The following KCNMB2 variants were observed in gnomAD, a reference collection of about 807,000 sequenced individuals.
KCNMB2 encodes the protein calcium-activated potassium channel subunit beta-2.
Under a neutral mutation model 24.5 loss-of-function variants are expected in KCNMB2, and 9 were observed. The observed-to-expected ratio is 0.37, with a 90% CI of 0.22 to 0.64. KCNMB2 has a LOEUF of 0.64. KCNMB2 is among the 30% of genes least tolerant of loss of function. KCNMB2 has a pLI of 0.63. For missense variants in KCNMB2, 226 were observed against 284.3 expected (o/e 0.79, Z 1.47); for synonymous variants, 109 against 104.4 (o/e 1.04, Z -0.27).
chr3:178,683,281 A>G (rs1721338608), intron 1 of KCNMB2, among the ~76,000 whole-genome samples: 3 of 151,822 alleles, frequency 2.0e-5, no homozygotes, highest in African/African-American at 7.3e-5. Flanking sequence ...TAGATACTTG[A>G]GGACATAAAA....
At chr3:178,657,176 T>C (rs137905281) in intron 1 of KCNMB2, among the ~76,000 whole-genome samples, 3 of 152,298 alleles carry the variant, frequency 2.0e-5, no homozygotes, top group African/African-American at 4.8e-5. Context: ...CCAGAACCCA[T>C]ATGTTTTCCC....
chr3:178,709,462 G>A (rs1008790220), intron 1 of KCNMB2, among the ~76,000 whole-genome samples: 5 of 152,150 alleles, frequency 3.3e-5, no homozygotes, highest in Admixed American at 6.6e-5. Context: ...CTGGTTTTCT[G>A]AGATTGTCAC....
chr3:178,614,832 G>A (rs1299046073), intron 1 of KCNMB2, among the ~76,000 whole-genome samples: 1 of 152,160 alleles, frequency 6.6e-6, no homozygotes, highest in Non-Finnish European at 1.5e-5. Context: ...GATGATAGTA[G>A]ATGTTTTTTG....
At chr3:178,601,529 A>T (rs1718084597) in intron 1 of KCNMB2, among the ~76,000 whole-genome samples, 1 of 152,150 alleles carries the variant, frequency 6.6e-6, no homozygotes, top group African/African-American at 2.4e-5. Context: ...ATCCCTGTCC[A>T]CAGCTGACTC....
At chr3:178,795,491 A>G (rs1713504572) in intron 1 of KCNMB2, among the ~76,000 whole-genome samples, 1 of 152,168 alleles carries the variant, frequency 6.6e-6, no homozygotes, top group African/African-American at 2.4e-5. Context: ...CTTGCAGTTT[A>G]AGAGCTTTTC....
At chr3:178,759,632 A>G (rs1258016769) in intron 1 of KCNMB2, among the ~76,000 whole-genome samples, 2 of 116,518 alleles carry the variant, frequency 1.7e-5, no homozygotes, top group African/African-American at 3.6e-5. Flanking sequence ...TCTCTCTCCA[A>G]GAGGATATAT....
At chr3:178,585,496 C>T (rs770350290) in intron 1 of KCNMB2, among the ~76,000 whole-genome samples, 35 of 152,178 alleles carry the variant, frequency 2.3e-4, no homozygotes, top group Middle Eastern at 6.8e-3. Flanking sequence ...GCTACTAGAC[C>T]CCCAAATTCT....
intron 1 of KCNMB2, among the ~76,000 whole-genome samples, chr3:178,747,608 T>A (rs1251639818): frequency 6.6e-6 from 1 of 152,214 alleles, no homozygotes; most frequent in Non-Finnish European, 1.5e-5. Context: ...ACACAGCTAA[T>A]AAGAATCTAC....
At chr3:178,692,033 T>A (rs371318591) in intron 1 of KCNMB2, among the ~76,000 whole-genome samples, 1 of 152,240 alleles carries the variant, frequency 6.6e-6, no homozygotes, top group African/African-American at 2.4e-5. Flanking sequence ...ATATTCTCAT[T>A]GGCCACATGT....
intron 1 of KCNMB2, among the ~76,000 whole-genome samples, chr3:178,606,545 T>C (rs901969490): frequency 6.6e-6 from 1 of 152,004 alleles, no homozygotes; most frequent in African/African-American, 2.4e-5. Flanking sequence ...GTACATAATT[T>C]GTTTGGTTTC....
At chr3:178,801,468 T>A (rs1713774636) in intron 1 of KCNMB2, among the ~76,000 whole-genome samples, 1 of 151,706 alleles carries the variant, frequency 6.6e-6, no homozygotes, top group South Asian at 2.1e-4. Flanking sequence ...AGCAGGGCTA[T>A]TCATTCAATC....
chr3:178,574,027 G>A (rs1040458197), intron 1 of KCNMB2, among the ~76,000 whole-genome samples: 4 of 152,156 alleles, frequency 2.6e-5, no homozygotes, highest in African/African-American at 9.7e-5. Context: ...AAAGCACTCT[G>A]TAAATTATAA....
At chr3:178,609,470 C>A (rs899259177) in intron 1 of KCNMB2, among the ~76,000 whole-genome samples, 1 of 151,752 alleles carries the variant, frequency 6.6e-6, no homozygotes, top group Non-Finnish European at 1.5e-5. Context: ...TGTGCAGAAG[C>A]TTTTTAATTT....
intron 1 of KCNMB2, among the ~76,000 whole-genome samples, chr3:178,612,698 A>C (rs1415360006): frequency 1.3e-5 from 2 of 152,010 alleles, no homozygotes; most frequent in Non-Finnish European, 2.9e-5. Flanking sequence ...CAGCCAGTCT[A>C]TGTCTTTTGA....
intron 1 of KCNMB2, among the ~76,000 whole-genome samples, chr3:178,669,166 C>T (rs1021330401): frequency 1.3e-5 from 2 of 152,092 alleles, no homozygotes; most frequent in African/African-American, 4.8e-5. Flanking sequence ...CACATGGGCT[C>T]ATAGGAAACA....
At chr3:178,703,712 T>C (rs1722183367) in intron 1 of KCNMB2, among the ~76,000 whole-genome samples, 1 of 152,222 alleles carries the variant, frequency 6.6e-6, no homozygotes, top group South Asian at 2.1e-4. Flanking sequence ...ATGAACATTC[T>C]CCACAGGCCT....
At chr3:178,646,303 T>A (rs999002739) in intron 1 of KCNMB2, among the ~76,000 whole-genome samples, 1 of 152,164 alleles carries the variant, frequency 6.6e-6, no homozygotes, top group African/African-American at 2.4e-5. Flanking sequence ...AACAGGCAAA[T>A]ATCTGACAAT....
chr3:178,597,909 T>C (rs1269946158), intron 1 of KCNMB2, among the ~76,000 whole-genome samples: 1 of 151,980 alleles, frequency 6.6e-6, no homozygotes, highest in African/African-American at 2.4e-5. Flanking sequence ...CTTAAATATC[T>C]CAAAAGTTAA....
At chr3:178,654,120 T>C (rs1426557255) in intron 1 of KCNMB2, among the ~76,000 whole-genome samples, 2 of 152,174 alleles carry the variant, frequency 1.3e-5, no homozygotes, top group East Asian at 3.8e-4. Flanking sequence ...TTCAAACTTA[T>C]TGGCATGCAG....
Sources: gnomAD v4.1 joint callset for allele counts (sites outside exome capture counted in the v4.1 genomes callset) on GRCh38, gnomAD v4.1.1 for gene constraint, MANE v1.5 for transcripts, NCBI Gene and HGNC (gene_info 2026-07-23, HGNC 2026-07-21) for gene names.